INSC: variants seen among roughly 807,000 people sequenced by gnomAD.
INSC encodes INSC spindle orientation adaptor protein, also known as protein inscuteable homolog.
Under a neutral mutation model 58.6 loss-of-function variants are expected in INSC, and 67 were observed. That is an observed-to-expected ratio of 1.14 (90% CI 0.94 to 1.40). The LOEUF (loss-of-function observed/expected upper bound fraction) is 1.40. INSC is among the 40% of genes most tolerant of loss of function. INSC has a pLI of 0.00. For missense variants in INSC, 714 were observed against 692.0 expected (o/e 1.03, Z -0.36); for synonymous variants, 262 against 276.1 (o/e 0.95, Z 0.51).
At chr11:15,249,068 G>C (rs1852622870), downstream of INSC, among the ~76,000 whole-genome samples, 1 of 152,176 alleles carries the variant, frequency 6.6e-6, no homozygotes, top group African/African-American at 2.4e-5. Context: ...GGGCAGGGAG[G>C]AAGGACAGAA....
chr11:15,137,433 C>T (rs1848271976), intron 1 of INSC, among the ~76,000 whole-genome samples: 1 of 152,176 alleles, frequency 6.6e-6, no homozygotes, highest in Non-Finnish European at 1.5e-5. Flanking sequence ...ATGGCATCTT[C>T]TTCAAATATA....
intron 1 of INSC, among the ~76,000 whole-genome samples, chr11:15,121,520 G>A (rs1847874466): frequency 1.3e-5 from 2 of 152,144 alleles, no homozygotes; most frequent in African/African-American, 2.4e-5. Flanking sequence ...GGTGATGGGA[G>A]CTTTTATCAC....
intron 1 of INSC, among the ~76,000 whole-genome samples, chr11:15,115,531 G>A (rs1847671121): frequency 6.6e-6 from 1 of 152,188 alleles, no homozygotes; most frequent in Non-Finnish European, 1.5e-5. Flanking sequence ...GCTTGGAGAA[G>A]GACAGAAGCT....
intron 2 of INSC, among the ~76,000 whole-genome samples, chr11:15,165,121 A>G (rs952490719): frequency 2.6e-5 from 4 of 152,078 alleles, no homozygotes; most frequent in African/African-American, 9.7e-5. Flanking sequence ...TGTGGGGATA[A>G]CTTATGATCT....
chr11:15,250,516 C>A (rs1852639411), downstream of INSC, among the ~76,000 whole-genome samples: 1 of 152,216 alleles, frequency 6.6e-6, no homozygotes, highest in Non-Finnish European at 1.5e-5. Flanking sequence ...TCCCTTCTAA[C>A]AGAATCCTCC....
At chr11:15,234,862 T>G (rs1852061704) in intron 9 of INSC, among the ~76,000 whole-genome samples, 1 of 152,176 alleles carries the variant, frequency 6.6e-6, no homozygotes, top group Non-Finnish European at 1.5e-5. Flanking sequence ...TAATCCAGTT[T>G]GTGCTGTGAG....
intron 2 of INSC, among the ~76,000 whole-genome samples, chr11:15,170,004 A>C (rs1160636303): frequency 6.6e-6 from 1 of 152,228 alleles, no homozygotes; most frequent in African/African-American, 2.4e-5. Context: ...TGAATCCTCC[A>C]GTCCCTGATA....
chr11:15,116,805 T>TTTCTTTCTTTCTCTTTCTTTCTTTC (rs1554900053), intron 1 of INSC, among the ~76,000 whole-genome samples: 2 of 19,942 alleles, frequency 1.0e-4, no homozygotes, highest in African/African-American at 2.7e-4. Flanking sequence ...CTTTTCTTTC[T>TTTCTTTCTTTCTCTTTCTTTCTTTC]TTTCTTTCTT....
chr11:15,202,351 C>A (rs1850625386), intron 7 of INSC, among the ~76,000 whole-genome samples: 2 of 152,052 alleles, frequency 1.3e-5, no homozygotes, highest in Admixed American at 1.3e-4. Flanking sequence ...ATGAGAGAAC[C>A]AAAAGCCAAA....
At chr11:15,214,817 G>A (rs1851153111) in intron 7 of INSC, among the ~76,000 whole-genome samples, 1 of 152,166 alleles carries the variant, frequency 6.6e-6, no homozygotes, top group African/African-American at 2.4e-5. Flanking sequence ...TATCTTGGGT[G>A]TGGGCTCTTG....
chr11:15,230,225 G>C (rs1444149900), intron 9 of INSC, among the ~76,000 whole-genome samples: 1 of 150,456 alleles, frequency 6.6e-6, no homozygotes, highest in Non-Finnish European at 1.5e-5. Context: ...CTAAGACTGG[G>C]TAATTTGTAA....
At chr11:15,266,012 T>G in the INSC span, among the ~76,000 whole-genome samples, 1 of 151,948 alleles carries the variant, frequency 6.6e-6, no homozygotes, top group East Asian at 1.9e-4. Context: ...AGTGACAAAG[T>G]CCATTGAGCC....
rs1487166128 is a variant in INSC at position 15,213,003 on chromosome 11, G to C, written c.820-8474G>C. 2.0e-5 allele frequency among the ~76,000 whole-genome samples: 3 copies of C among 152,142 alleles called. No homozygotes were observed. The East Asian group carries it at 5.8e-4, about 29-fold the overall frequency. ...TTAAAAATGAGGCTCATAGAAGGTGGATAACTTGCTCATTTCACCAAGTCA... is the reference window on the plus strand; with the variant it reads ...TTAAAAATGAGGCTCATAGAAGGTGCATAACTTGCTCATTTCACCAAGTCA... On this transcript the variant is annotated intron_variant, in intron 7 of 12. Coordinates refer to ENST00000379556, the MANE Select transcript of INSC (RefSeq NM_001042536.3).
intron 2 of INSC, among the ~76,000 whole-genome samples, chr11:15,159,269 G>T (rs1848931860): frequency 6.6e-6 from 1 of 152,192 alleles, no homozygotes; most frequent in African/African-American, 2.4e-5. Flanking sequence ...GAGCCTTGTA[G>T]ATGGTGGAGA....
intron 1 of INSC, among the ~76,000 whole-genome samples, chr11:15,125,578 G>A (rs1847974204): frequency 6.6e-6 from 1 of 152,280 alleles, no homozygotes; most frequent in East Asian, 1.9e-4. Context: ...TTCTACAGAT[G>A]TCTCTGTAAC....
intron 1 of INSC, among the ~76,000 whole-genome samples, chr11:15,135,065 A>C (rs1374129209): frequency 6.6e-6 from 1 of 152,094 alleles, no homozygotes; most frequent in African/African-American, 2.4e-5. Context: ...AAATGAGGTG[A>C]GATTAGAGAT....
chr11:15,260,491 T>C, the INSC span, among the ~76,000 whole-genome samples: 17 of 152,338 alleles, frequency 1.1e-4, no homozygotes, highest in Admixed American at 5.9e-4. Flanking sequence ...GAGGCTATTA[T>C]TTAATATCTC....
At chr11:15,252,374 T>C in the INSC span, among the ~76,000 whole-genome samples, 1 of 152,254 alleles carries the variant, frequency 6.6e-6, no homozygotes, top group Non-Finnish European at 1.5e-5. Flanking sequence ...ATGTGAATTA[T>C]ATCTCAGTTA....
At chr11:15,230,758 C>T (rs78148467) in intron 9 of INSC, among the ~76,000 whole-genome samples, 1,582 of 152,342 alleles carry the variant, frequency 0.01, 24 homozygotes, top group African/African-American at 0.036. Context: ...TTCATGTAAT[C>T]CCTGGGGCGA....
Sources: gnomAD v4.1 joint callset for allele counts (sites outside exome capture counted in the v4.1 genomes callset) on GRCh38, gnomAD v4.1.1 for gene constraint, MANE v1.5 for transcripts, NCBI Gene and HGNC (gene_info 2026-07-23, HGNC 2026-07-21) for gene names.